Variants in LRRC7 observed in about 807,000 individuals in gnomAD.
LRRC7 encodes the protein leucine-rich repeat-containing protein 7.
A neutral mutation model predicts 175.7 loss-of-function variants in LRRC7; 23 were observed. The observed-to-expected ratio is 0.13, with a 90% CI of 0.09 to 0.19. The LOEUF (loss-of-function observed/expected upper bound fraction) is 0.19, where lower values mean the gene tolerates loss of function less well. Ranked by LOEUF, LRRC7 falls within the 10% of genes least tolerant of loss-of-function variation. LRRC7 has a pLI of 1.00. For synonymous variants in LRRC7, 685 were observed against 680.9 expected, an observed-to-expected ratio of 1.01 and a Z score of -0.09; for missense variants, 1,354 against 1,904.7, an observed-to-expected ratio of 0.71 and a Z score of 5.38.
At position 70,053,117 on chromosome 1, in the gene LRRC7, A is replaced by G; in HGVS notation, c.4202A>G (p.Asp1401Gly). ...AATCCTTATCCACTTGGGAGGCGGG[A>G]TGTACCTCCGGACACCATTACTAAG... is the stretch of plus-strand genomic sequence containing the variant. ...QWNPYPLGRR[D>G]VPPDTITKKA... Residue 1401 changes from aspartate to glycine, a missense_variant, in exon 23 of 27, where the codon GAT (aspartate) becomes GGT (glycine). Physicochemically the swap from Asp to Gly is moderately conservative, Grantham distance 94. Transcript: ENST00000651989. 6.2e-7 allele frequency: 1 copy of G among 1,610,606 alleles called. No individual in the cohort carries two copies. The highest frequency in any genetic ancestry group is 8.5e-7 in the Non-Finnish European group (1 of 1,178,162).
chr1:69,717,406 T>C (rs1313584563), intron 2 of LRRC7, among the ~76,000 whole-genome samples: 13 of 151,804 alleles, frequency 8.6e-5, no homozygotes, highest in Admixed American at 8.6e-4. Flanking sequence ...ACTTCACAGA[T>C]AAATCTATCA....
At chr1:69,939,081 A>C (rs1410472779) in intron 8 of LRRC7, among the ~76,000 whole-genome samples, 1 of 147,352 alleles carries the variant, frequency 6.8e-6, no homozygotes, top group Non-Finnish European at 1.5e-5. Flanking sequence ...TTATTAATAC[A>C]TCAAAAGAAA....
At position 69,690,306 on chromosome 1, in the gene LRRC7, A is replaced by G. The variant is rs143421783; in HGVS notation, c.100+11828A>G. On this transcript the variant is annotated intron_variant, in intron 2 of 26. Coordinates refer to ENST00000651989, the MANE Select transcript of LRRC7 (RefSeq NM_001370785.2). ...TGTCTCTGAGGAGTAACTGTAGTCA[A>G]GTCATAAAACTTCATTCAACATGAA... Among the ~76,000 whole-genome samples, 450 of 152,334 alleles carry G rather than the reference A, an allele frequency of 3.0e-3. 3 individuals carry two copies. Among genetic ancestry groups the G allele is most frequent in the African/African-American group, 0.01 (431 of 41,580 alleles).
chr1:69,664,675 C>T (rs1178561516), intron 1 of LRRC7, among the ~76,000 whole-genome samples: 3 of 152,176 alleles, frequency 2.0e-5, no homozygotes, highest in Middle Eastern at 3.4e-3. Context: ...TATCATATTG[C>T]TTGAGTTCAT....
At chr1:69,762,133 G>T (rs1454448423) in intron 3 of LRRC7, among the ~76,000 whole-genome samples, 2 of 151,848 alleles carry the variant, frequency 1.3e-5, no homozygotes, top group African/African-American at 2.4e-5. Flanking sequence ...TTATCATCCT[G>T]TATTTTTATT....
intron 10 of LRRC7, among the ~76,000 whole-genome samples, chr1:69,989,748 T>TAATACA (rs35231672): frequency 6.6e-6 from 1 of 152,120 alleles, no homozygotes; most frequent in Non-Finnish European, 1.5e-5. Context: ...ATATTATTTT[T>TAATACA]CAACATTAAA....
chr1:70,035,625 C>CAA (rs765207825), intron 18 of LRRC7, among the ~76,000 whole-genome samples: 20,213 of 71,200 alleles, frequency 0.28, 2,148 homozygotes, highest in African/African-American at 0.33. Flanking sequence ...TAGGGATGCA[C>CAA]AAAAAAAAAA....
intron 21 of LRRC7, among the ~76,000 whole-genome samples, chr1:70,040,151 T>C (rs918614482): frequency 6.6e-6 from 1 of 152,210 alleles, no homozygotes; most frequent in Non-Finnish European, 1.5e-5. Flanking sequence ...AAGAGTATGA[T>C]TTTTGTTGAA....
At chr1:69,716,185 C>A in intron 2 of LRRC7, 1 of 474,760 alleles carries the variant, frequency 2.1e-6, no homozygotes, top group Non-Finnish European at 3.8e-6. Context: ...GTGGTCACAA[C>A]CTAGAAGTCT....
chr1:69,962,709 A>G (rs1032700712), intron 8 of LRRC7, among the ~76,000 whole-genome samples: 32 of 152,150 alleles, frequency 2.1e-4, no homozygotes, highest in Non-Finnish European at 1.0e-4. Flanking sequence ...ATTATCCTTA[A>G]CAAACTAACA....
At chr1:69,961,964 C>CA (rs930271727) in intron 8 of LRRC7, among the ~76,000 whole-genome samples, 34 of 151,172 alleles carry the variant, frequency 2.2e-4, no homozygotes, top group African/African-American at 7.0e-4. Context: ...CAACCAGTTG[C>CA]AAAAAAAAGC....
intron 11 of LRRC7, among the ~76,000 whole-genome samples, chr1:69,998,419 A>AT (rs199960751): frequency 3.6e-4 from 54 of 151,520 alleles, no homozygotes; most frequent in African/African-American, 1.2e-3. Context: ...AGTCTCAGCC[A>AT]TTTTTTTTTA....
chr1:69,965,352 T>C (rs1056851911), intron 8 of LRRC7, among the ~76,000 whole-genome samples: 3 of 152,198 alleles, frequency 2.0e-5, no homozygotes, highest in African/African-American at 7.2e-5. Flanking sequence ...CCAAACATCA[T>C]GTCATCTGTA....
intron 2 of LRRC7, among the ~76,000 whole-genome samples, chr1:69,725,253 G>C (rs1465088984): frequency 6.6e-6 from 1 of 152,056 alleles, no homozygotes; most frequent in Non-Finnish European, 1.5e-5. Context: ...ATTGAGTAGG[G>C]GGAGGAGGAG....
At chr1:70,022,265 CAG>C (rs1212508374) in intron 16 of LRRC7, 1 of 152,150 alleles carries the variant, frequency 6.6e-6, no homozygotes, top group African/African-American at 2.4e-5. Flanking sequence ...AACATACCTT[CAG>C]AACATTTCAG....
intron 8 of LRRC7, among the ~76,000 whole-genome samples, chr1:69,942,802 G>A (rs1648867540): frequency 6.6e-6 from 1 of 152,024 alleles, no homozygotes; most frequent in Admixed American, 6.6e-5. Flanking sequence ...ACTATGTAAG[G>A]TAACATATTT....
intron 17 of LRRC7, among the ~76,000 whole-genome samples, chr1:70,027,088 C>T (rs1314359168): frequency 1.3e-5 from 2 of 151,796 alleles, no homozygotes; most frequent in East Asian, 3.9e-4. Context: ...TCTCTTTCAC[C>T]TTCTCTCCTC....
In LRRC7 at chr1:70,038,631, A is replaced by G. The variant is rs1369126172; in HGVS notation, c.2807A>G (p.Asp936Gly). 1 of 1,614,126 alleles carries G rather than the reference A, an allele frequency of 6.2e-7. No individual in the cohort carries two copies. ...CCAGGCGTACCATGGGAGTATCATGATTCCAATCCCAACAGGAGTCTTAGT... is the reference window on the plus strand; with the variant it reads ...CCAGGCGTACCATGGGAGTATCATGGTTCCAATCCCAACAGGAGTCTTAGT... ...FSPGVPWEYH[D>G]SNPNRSLSNV... is the part of the protein sequence containing the mutation. Residue 936 changes from aspartate to glycine, a missense_variant, in exon 21 of 27, where the codon GAT becomes GGT. By Grantham distance (94) the Asp-to-Gly change is moderately conservative (BLOSUM62 -1). Around this residue, in one of 4 missense-constraint regions of LRRC7, gnomAD observed 1,032 missense variants for 1,227.2 expected, o/e 0.84. Coordinates refer to ENST00000651989, the MANE Select transcript of LRRC7 (RefSeq NM_001370785.2).
chr1:69,726,726 CTTTAAAATTT>C (rs1667021397), intron 2 of LRRC7, among the ~76,000 whole-genome samples: 1 of 151,402 alleles, frequency 6.6e-6, no homozygotes, highest in South Asian at 2.1e-4. Flanking sequence ...CTTTAAATTT[CTTTAAAATTT>C]GAAAATGTAA....
Sources: allele counts gnomAD v4.1 joint callset (sites outside exome capture counted in the v4.1 genomes callset), GRCh38; gene constraint gnomAD v4.1.1; regional missense constraint gnomAD v4.1.1; transcripts MANE v1.5; gene names NCBI Gene and HGNC (gene_info 2026-07-23, HGNC 2026-07-21).